RWDD1: variants seen among roughly 807,000 people sequenced by gnomAD.
RWDD1 encodes the protein RWD domain-containing protein 1.
A neutral mutation model predicts 31.6 loss-of-function variants in RWDD1; 17 were observed. The observed-to-expected ratio is 0.54, with a 90% CI of 0.37 to 0.81. RWDD1 has a LOEUF of 0.81. Ranked by LOEUF, RWDD1 falls within the 30% of genes least tolerant of loss-of-function variation. RWDD1 has a pLI of 0.00. For synonymous variants in RWDD1, 78 were observed against 94.2 expected (o/e 0.83, Z 0.99); for missense variants, 204 against 274.5 (o/e 0.74, Z 1.82).
chr6:116,596,361 A>C lies in RWDD1; in HGVS notation c.*3260A>C, dbSNP rs1441265702. On this transcript the variant is annotated 3_prime_UTR_variant, in exon 7 of 7. Coordinates refer to ENST00000466444, the MANE Select transcript of RWDD1 (RefSeq NM_015952.4). ...TTTAGGAACTGTATCAGGGTGACAA[A>C]GATGAAAGAATGCTGCCAGAAAAGT... is the stretch of plus-strand genomic sequence containing the variant. 6.6e-6 allele frequency: 1 copy of C among 152,244 alleles called. No individual in the cohort carries two copies. The highest frequency in any genetic ancestry group is 1.9e-4 in the East Asian group (1 of 5,204). The allele number at this position is 152,244 out of a possible 1,614,324, so 9.4% of individuals were successfully genotyped here.
intron 1 of RWDD1, chr6:116,574,270 A>G (rs2115321607): frequency 6.6e-6 from 1 of 152,376 alleles, no homozygotes; most frequent in Middle Eastern, 3.4e-3. Context: ...CCAAAAGCCA[A>G]GTTTCCTTAA....
intron 1 of RWDD1, among the ~76,000 whole-genome samples, chr6:116,578,207 A>G (rs1450368757): frequency 6.6e-6 from 1 of 152,232 alleles, no homozygotes; most frequent in African/African-American, 2.4e-5. Flanking sequence ...TATATTTAAT[A>G]GTTTTTAAGA....
At chr6:116,579,248 C>T (rs1159740364) in intron 1 of RWDD1, among the ~76,000 whole-genome samples, 2 of 152,200 alleles carry the variant, frequency 1.3e-5, no homozygotes, top group African/African-American at 4.8e-5. Flanking sequence ...TGAATAGTTC[C>T]CATGATTACT....
At position 116,590,738 on chromosome 6, in the gene RWDD1, A is replaced by G. The variant is rs569151262; in HGVS notation, c.548-150A>G. 3.0e-4 allele frequency: 393 copies of G among 1,297,708 alleles called. 7 individuals are homozygous for G. In the South Asian group the frequency reaches 4.2e-3, roughly 14 times the overall value. The allele number at this position is 1,297,708 out of a possible 1,614,324, so 80.4% of individuals were successfully genotyped here. On this transcript the variant is annotated intron_variant, in intron 5 of 6. Transcript: ENST00000466444. Reference sequence around the variant, plus strand: ...ACTTGTTCCATTTTAATGCAGATACATTTCATATGCCACTTAGCTACTGAA... The same window carrying G: ...ACTTGTTCCATTTTAATGCAGATACGTTTCATATGCCACTTAGCTACTGAA...
At position 116,586,003 on chromosome 6, in the gene RWDD1, T is replaced by C. The variant is rs142389145; in HGVS notation, c.270+1146T>C. Among the ~76,000 whole-genome samples, 5 of 152,260 alleles carry C rather than the reference T, an allele frequency of 3.3e-5. No homozygotes were observed. The East Asian group carries it at 9.7e-4, about 29-fold the overall frequency. On this transcript the variant is annotated intron_variant, in intron 3 of 6. Transcript: ENST00000466444. Reference sequence around the variant, plus strand: ...CATTGCAGAGAACCTGGGATGGTTATGCTATATTCAGTCAGTCGTACCTTA... The same window carrying C: ...CATTGCAGAGAACCTGGGATGGTTACGCTATATTCAGTCAGTCGTACCTTA...
chr6:116,588,934 A>G lies in RWDD1; in HGVS notation c.363A>G (p.Arg121=). 2 of 1,458,344 alleles carry G rather than the reference A, an allele frequency of 1.4e-6. No homozygotes were observed. The highest frequency in any genetic ancestry group is 1.8e-6 in the Non-Finnish European group (2 of 1,095,710). The allele number at this position is 1,458,344 out of a possible 1,614,324, so 90.3% of individuals were successfully genotyped here. ...LNEIVDQIKT[R]REEEKKQKEK... ...AAATAGTAGATCAGATAAAAACTAG[A>G]AGAGAAGAAGAAAAGAAACAAAAAG... The change falls in exon 4 of 7, where the codon AGA becomes AGG. Residue 121 remains arginine, a synonymous_variant. Transcript: ENST00000466444.
intron 1 of RWDD1, among the ~76,000 whole-genome samples, chr6:116,579,867 T>G (rs144936514): frequency 1.2e-3 from 185 of 152,314 alleles, no homozygotes; most frequent in African/African-American, 4.4e-3. Context: ...TCATGGAGAT[T>G]CTGAGTTATA....
In RWDD1 at chr6:116,596,785, T is replaced by C. The variant is rs1775245257; in HGVS notation, c.*3684T>C. 6.6e-6 allele frequency: 1 copy of C among 152,188 alleles called. No homozygotes were observed. Among genetic ancestry groups the C allele is most frequent in the Admixed American group, 6.5e-5 (1 of 15,280 alleles). 9.4% of individuals were successfully genotyped at this position (152,188 alleles called of 1,614,324 possible). On this transcript the variant is annotated 3_prime_UTR_variant, in exon 7 of 7. Coordinates refer to ENST00000466444, the MANE Select transcript of RWDD1 (RefSeq NM_015952.4). The stretch of plus-strand genomic sequence containing the variant: ...TCATTAAGGTGAAAAGTTCATTCAA[T>C]TAAGGTATTTGAGTGCTACTATGCG...
rs1337424010 is a variant in RWDD1, at chr6:116,593,038, G to A, written c.669G>A (p.Leu223=). 6.2e-7 allele frequency: 1 copy of A among 1,613,706 alleles called. No individual in the cohort carries two copies. Among genetic ancestry groups the A allele is most frequent in the East Asian group, 2.2e-5 (1 of 44,866 alleles). ...SLFQEMDDLE[L]EDDEDDPDYN... ...TCCAAGAAATGGATGACTTGGAGCT[G>A]GAGGATGATGAAGATGATCCAGACT... The change falls in exon 7 of 7, where the codon CTG becomes CTA. Residue 223 remains leucine, a synonymous_variant. Coordinates refer to ENST00000466444, the MANE Select transcript of RWDD1 (RefSeq NM_015952.4).
At chr6:116,587,262 A>T (rs992445905) in intron 3 of RWDD1, among the ~76,000 whole-genome samples, 33 of 152,154 alleles carry the variant, frequency 2.2e-4, no homozygotes, top group African/African-American at 7.7e-4. Flanking sequence ...CTTATGAAAT[A>T]TAAGATTATA....
intron 2 of RWDD1, among the ~76,000 whole-genome samples, chr6:116,582,469 T>G (rs1412974084): frequency 6.6e-6 from 1 of 152,040 alleles, no homozygotes; most frequent in African/African-American, 2.4e-5. Context: ...AATTTACTTT[T>G]TAATTTTTTT....
chr6:116,584,112 C>T (rs1340016614), intron 2 of RWDD1, among the ~76,000 whole-genome samples: 3 of 152,176 alleles, frequency 2.0e-5, no homozygotes, highest in Admixed American at 6.5e-5. Context: ...CAGAGAGGCA[C>T]CTTGCACTGA....
Position 116,594,781 on chromosome 6 carries a change from G to T in RWDD1, c.*1680G>T, listed in dbSNP as rs1775215214. ...TCTTAACCCCAATAGGAAATCAGTTGTGCTATTTTAAATTCATAAAGCTAT... is the reference window on the plus strand; with the variant it reads ...TCTTAACCCCAATAGGAAATCAGTTTTGCTATTTTAAATTCATAAAGCTAT... On this transcript the variant is annotated 3_prime_UTR_variant, in exon 7 of 7. Coordinates refer to ENST00000466444, the MANE Select transcript of RWDD1 (RefSeq NM_015952.4). 6.6e-6 allele frequency: 1 copy of T among 152,154 alleles called. No homozygotes were observed. Among genetic ancestry groups the T allele is most frequent in the South Asian group, 2.1e-4 (1 of 4,826 alleles). The allele number at this position is 152,154 out of a possible 1,614,324, so 9.4% of individuals were successfully genotyped here.
intron 3 of RWDD1, among the ~76,000 whole-genome samples, chr6:116,587,891 A>G (rs1337974770): frequency 6.6e-6 from 1 of 152,016 alleles, no homozygotes; most frequent in African/African-American, 2.4e-5. Context: ...GGAGCTTATG[A>G]TGGGATGGGG....
intron 2 of RWDD1, 69 bp from the exon 3 acceptor site, chr6:116,584,658 T>A: frequency 7.3e-7 from 1 of 1,375,468 alleles, no homozygotes; most frequent in African/African-American, 1.4e-5. Flanking sequence ...TACTTTCTAC[T>A]GATTCAGCAA....
intron 2 of RWDD1, among the ~76,000 whole-genome samples, chr6:116,583,433 G>T (rs1774981850): frequency 6.6e-6 from 1 of 152,040 alleles, no homozygotes; most frequent in Non-Finnish European, 1.5e-5. Context: ...TAAGTTTGGG[G>T]ATCTAATGCA....
At chr6:116,588,310 T>C (rs1380558793) in intron 3 of RWDD1, among the ~76,000 whole-genome samples, 2 of 152,216 alleles carry the variant, frequency 1.3e-5, no homozygotes, top group East Asian at 3.8e-4. Flanking sequence ...CCTATCTTGT[T>C]ATTTTTTTCT....
At chr6:116,584,021 A>G (rs1774993987) in intron 2 of RWDD1, among the ~76,000 whole-genome samples, 1 of 152,236 alleles carries the variant, frequency 6.6e-6, no homozygotes, top group Admixed American at 6.5e-5. Flanking sequence ...TGAGTAATAA[A>G]AAGTCTTAAC....
chr6:116,584,656 A>G, intron 2 of RWDD1, 71 bp from the exon 3 acceptor site: 3 of 1,357,014 alleles, frequency 2.2e-6, no homozygotes, highest in African/African-American at 1.5e-5. Context: ...GCTACTTTCT[A>G]CTGATTCAGC....
Sources: allele counts gnomAD v4.1 joint callset (sites outside exome capture counted in the v4.1 genomes callset), GRCh38; gene constraint gnomAD v4.1.1; transcripts MANE v1.5; gene names NCBI Gene and HGNC (gene_info 2026-07-23, HGNC 2026-07-21).